TXNRD2: variants seen among roughly 807,000 people sequenced by gnomAD.
TXNRD2 encodes the protein thioredoxin reductase 2.
Under a neutral mutation model 70.8 loss-of-function variants are expected in TXNRD2, and 67 were observed. That is an observed-to-expected ratio of 0.95 (90% CI 0.78 to 1.16). The LOEUF is 1.16. Among genes scored for constraint, TXNRD2 ranks in the 50% most tolerant of loss-of-function variants. TXNRD2 has a pLI of 0.00. For synonymous variants in TXNRD2, 301 were observed against 295.8 expected (o/e 1.02, Z -0.18); for missense variants, 644 against 719.9 (o/e 0.89, Z 1.21).
chr22:19,941,587 C>T (rs1045575419), intron 1 of TXNRD2, 114 bp downstream of exon 1: 1 of 1,330,882 alleles, frequency 7.5e-7, no homozygotes, highest in Non-Finnish European at 9.6e-7. Context: ...TATGTGGACA[C>T]CCCCGCGTGG....
chr22:19,918,017 G>A (rs571782857), intron 5 of TXNRD2, 126 bp downstream of exon 5: 2 of 807,944 alleles, frequency 2.5e-6, no homozygotes, highest in African/African-American at 1.7e-5. Context: ...CCCCACCCAT[G>A]AGCAGGACAT....
chr22:19,889,191 C>A (rs1569076642), intron 11 of TXNRD2, among the ~76,000 whole-genome samples: 1 of 152,136 alleles, frequency 6.6e-6, no homozygotes, highest in Non-Finnish European at 1.5e-5. Context: ...CCTACTCAAG[C>A]TGCCTATGTG....
chr22:19,879,725 C>T (rs1002662986), intron 14 of TXNRD2, among the ~76,000 whole-genome samples: 20 of 152,152 alleles, frequency 1.3e-4, no homozygotes, highest in African/African-American at 4.8e-4. Flanking sequence ...GAGGCATCTT[C>T]GGGGCCCTGG....
intron 2 of TXNRD2, 41 bp from the exon 3 acceptor site, chr22:19,919,640 G>A (rs1288697285): frequency 1.0e-5 from 16 of 1,543,266 alleles, no homozygotes; most frequent in Non-Finnish European, 1.4e-5. Flanking sequence ...ATGGGGAGCT[G>A]GCTCAGGACT....
intron 1 of TXNRD2, 127 bp from the exon 2 acceptor site, chr22:19,931,225 C>T: frequency 2.4e-6 from 2 of 832,632 alleles, no homozygotes; most frequent in Non-Finnish European, 4.0e-6. Context: ...CACAACAGAG[C>T]AGAAAGAGTG....
chr22:19,932,777 G>A (rs1941414755), intron 1 of TXNRD2, among the ~76,000 whole-genome samples: 2 of 152,172 alleles, frequency 1.3e-5, no homozygotes, highest in Admixed American at 6.5e-5. Flanking sequence ...ACAAGGCCAA[G>A]AGGTTCCATG....
At chr22:19,884,826 G>A (rs1938948705) in intron 11 of TXNRD2, among the ~76,000 whole-genome samples, 1 of 152,320 alleles carries the variant, frequency 6.6e-6, no homozygotes, top group East Asian at 1.9e-4. Flanking sequence ...AGGGCCAGGT[G>A]AGCAGAGCTA....
intron 11 of TXNRD2, among the ~76,000 whole-genome samples, chr22:19,886,050 G>A (rs764490200): frequency 6.6e-6 from 1 of 152,272 alleles, no homozygotes; most frequent in African/African-American, 2.4e-5. Context: ...CAGGCTGGAT[G>A]GCCAGGGGAG....
intron 6 of TXNRD2, 91 bp downstream of exon 6, chr22:19,915,674 G>A: frequency 8.3e-7 from 1 of 1,210,340 alleles, no homozygotes; most frequent in Non-Finnish European, 1.2e-6. Flanking sequence ...GTGTTACTAA[G>A]AACAGCACCC....
chr22:19,903,251 G>C (rs532634290), intron 8 of TXNRD2, among the ~76,000 whole-genome samples: 3 of 152,370 alleles, frequency 2.0e-5, no homozygotes, highest in Admixed American at 2.0e-4. Context: ...AGCAGGAACA[G>C]GCAGACCCTG....
rs780205210 is a variant in TXNRD2 at position 19,915,219 on chromosome 22, T to C, written c.586A>G (p.Thr196Ala). 1 of 1,613,710 alleles carries C rather than the reference T, an allele frequency of 6.2e-7. No individual in the cohort carries two copies. The highest frequency in any genetic ancestry group is 1.1e-5 in the South Asian group (1 of 90,952). The part of the protein sequence containing the change: ...IATGGRPRYP[T>A]HIEGALEYGI... ...TATGCTCTGGGGACACTCACGTGCG[T>C]GGGGTATCTCGGCCGCCCTCCAGTA... The change falls in exon 7 of 18, where the codon ACG becomes GCG. Residue 196 changes from threonine to alanine, a missense_variant. Thr to Ala is a moderately conservative substitution (Grantham distance 58). Around this residue, in one of 3 missense-constraint regions of TXNRD2, gnomAD observed 566 missense variants for 645.0 expected, o/e 0.88. Transcript: ENST00000400521.
chr22:19,925,276 T>G (rs1290428178), intron 2 of TXNRD2, among the ~76,000 whole-genome samples: 3 of 151,430 alleles, frequency 2.0e-5, no homozygotes, highest in African/African-American at 7.3e-5. Flanking sequence ...AGAGCAAGAC[T>G]CCATCTCAAA....
Position 19,919,617 on chromosome 22 carries a change from G to A in TXNRD2, c.173-18C>T. On this transcript the variant is annotated intron_variant, in intron 2 of 17. Transcript: ENST00000400521. ...CTGGGCGGCTGGAAGGATAAGGAGA[G>A]CAGCAGGTGAGCATGGGGAGCTGGC... 3 of 1,552,156 alleles carry A rather than the reference G, an allele frequency of 1.9e-6. No homozygotes were observed. Among genetic ancestry groups the A allele is most frequent in the Non-Finnish European group, 2.6e-6 (3 of 1,148,954 alleles).
chr22:19,909,885 A>ACACACACCCTACTCACACACACCC (rs1569093933), intron 8 of TXNRD2, among the ~76,000 whole-genome samples: 6 of 43,844 alleles, frequency 1.4e-4, no homozygotes, highest in South Asian at 8.3e-4. Context: ...CACACACACC[A>ACACACACCCTACTCACACACACCC]CTCACACACA....
Position 19,898,909 on chromosome 22 carries a change from A to T in TXNRD2, c.682+140T>A. Reference sequence around the variant, plus strand: ...GCCTCAAACTGTCCCCAGGCACAGTAGATCCTCCACGCCGAGAGGCCCAGT... The same window carrying T: ...GCCTCAAACTGTCCCCAGGCACAGTTGATCCTCCACGCCGAGAGGCCCAGT... On this transcript the variant is annotated intron_variant, in intron 9 of 17. Transcript: ENST00000400521. The T allele has an allele frequency of 2.8e-6, 3 of 1,057,334 alleles. 1 individual carries two copies. The South Asian group carries it at 4.1e-5, about 14-fold the overall frequency. 65.5% of individuals were successfully genotyped at this position (1,057,334 alleles called of 1,614,324 possible).
chr22:19,879,309 G>A (rs1025288791), intron 14 of TXNRD2, among the ~76,000 whole-genome samples: 13 of 152,260 alleles, frequency 8.5e-5, no homozygotes, highest in East Asian at 5.8e-4. Context: ...TGCAGGCTCC[G>A]GTTTCTCTGG....
intron 8 of TXNRD2, among the ~76,000 whole-genome samples, chr22:19,907,223 A>T (rs71312716): frequency 2.7e-5 from 1 of 36,386 alleles, no homozygotes; most frequent in African/African-American, 1.1e-4. Context: ...GGGCGCCGTG[A>T]GTAGCAGTGA....
At chr22:19,880,472 G>C in intron 13 of TXNRD2, 150 bp downstream of exon 13, 1 of 871,606 alleles carries the variant, frequency 1.1e-6, no homozygotes, top group South Asian at 1.4e-5. Context: ...GCACACACAC[G>C]TGTGTACAAC....
rs759029581 is a variant in TXNRD2, at chr22:19,911,349, G to A, written c.662+28C>T. The A allele has an allele frequency of 8.2e-6, 13 of 1,588,430 alleles. No homozygotes were observed. In the East Asian group the frequency reaches 2.7e-4, roughly 33 times the overall value. ...TGCTCACTCTGGTGAACAAAAAGAG[G>A]ACCCCACCAAGCACGCGCAGGCCTT... On this transcript the variant is annotated intron_variant, in intron 8 of 17. Transcript: ENST00000400521.
Sources: gnomAD v4.1 joint callset for allele counts (sites outside exome capture counted in the v4.1 genomes callset) on GRCh38, gnomAD v4.1.1 for gene constraint, gnomAD v4.1.1 regional missense constraint, MANE v1.5 for transcripts, NCBI Gene and HGNC (gene_info 2026-07-23, HGNC 2026-07-21) for gene names.